The following PCDH7 variants were observed in gnomAD, a reference collection of about 807,000 sequenced individuals.
PCDH7 encodes protocadherin-7.
In PCDH7, 17 loss-of-function variants were observed where a neutral mutation model predicts 58.9. The ratio of observed to expected loss-of-function variants is 0.29; its 90% CI spans 0.20 to 0.43. The LOEUF (loss-of-function observed/expected upper bound fraction) is 0.43. PCDH7 is among the 20% of genes least tolerant of loss of function. The pLI is 1.00. For missense variants in PCDH7, 1,274 were observed against 1,441.0 expected (o/e 0.88, Z 1.88); for synonymous variants, 664 against 616.4 (o/e 1.08, Z -1.14).
At chr4:30,960,375 A>G (rs1036073747) in intron 3 of PCDH7, among the ~76,000 whole-genome samples, 2 of 152,140 alleles carry the variant, frequency 1.3e-5, no homozygotes, top group Non-Finnish European at 2.9e-5. Context: ...GAAACAGTGA[A>G]TCAGACATCC....
chr4:31,089,563 T>C (rs1251061324), intron 3 of PCDH7, among the ~76,000 whole-genome samples: 2 of 152,056 alleles, frequency 1.3e-5, no homozygotes, highest in African/African-American at 4.8e-5. Context: ...AGATATAAAA[T>C]ATCAAAAAGA....
rs1748369122 is a variant in PCDH7, at chr4:30,961,061, C to T, written c.*7+10846C>T. 2.0e-5 allele frequency among the ~76,000 whole-genome samples: 3 copies of T among 152,040 alleles called. No individual in the cohort carries two copies. The South Asian group carries it at 6.2e-4, about 32-fold the overall frequency. ...AATGAAGATATGTGGATTTATAGAT[C>T]TTTAAAAGACTATTTTCTCTCTCAG... On this transcript the variant is annotated intron_variant, in intron 3 of 3. Coordinates refer to the PCDH7 transcript ENST00000509759.
chr4:30,869,890 A>G (rs1461877640), intron 1 of PCDH7, among the ~76,000 whole-genome samples: 1 of 151,880 alleles, frequency 6.6e-6, no homozygotes, highest in Non-Finnish European at 1.5e-5. Context: ...ACTAATTTAC[A>G]CTCCCACCAA....
chr4:30,807,323 G>T (rs781047044), intron 1 of PCDH7, among the ~76,000 whole-genome samples: 2 of 152,084 alleles, frequency 1.3e-5, no homozygotes, highest in African/African-American at 4.8e-5. Flanking sequence ...AAAAGACGTT[G>T]TCTTCCTTAT....
At chr4:30,805,947 T>C (rs762462761) in intron 1 of PCDH7, among the ~76,000 whole-genome samples, 2 of 152,236 alleles carry the variant, frequency 1.3e-5, no homozygotes, top group African/African-American at 2.4e-5. Flanking sequence ...AGAAGTGTTT[T>C]GGATTTCCAA....
chr4:30,953,401 A>G (rs1747550447), intron 3 of PCDH7, among the ~76,000 whole-genome samples: 1 of 152,004 alleles, frequency 6.6e-6, no homozygotes, highest in East Asian at 1.9e-4. Flanking sequence ...TAATTTTTCT[A>G]TATTACTTGA....
At chr4:31,050,074 C>T (rs1308326927) in intron 3 of PCDH7, among the ~76,000 whole-genome samples, 2 of 152,070 alleles carry the variant, frequency 1.3e-5, no homozygotes, top group Non-Finnish European at 2.9e-5. Context: ...GCATATCTCT[C>T]TGGCTGTGAC....
At chr4:31,037,423 G>T (rs1430261512) in intron 3 of PCDH7, among the ~76,000 whole-genome samples, 1 of 152,170 alleles carries the variant, frequency 6.6e-6, no homozygotes, top group Non-Finnish European at 1.5e-5. Context: ...GATATCAGGA[G>T]CTCTCCTGGA....
At chr4:31,010,518 A>G (rs934649992) in intron 3 of PCDH7, among the ~76,000 whole-genome samples, 18 of 151,976 alleles carry the variant, frequency 1.2e-4, no homozygotes, top group African/African-American at 4.1e-4. Flanking sequence ...CTTTAACTTC[A>G]TTTGAATATC....
chr4:30,981,926 G>A (rs1470756197), intron 3 of PCDH7, among the ~76,000 whole-genome samples: 1 of 152,084 alleles, frequency 6.6e-6, no homozygotes, highest in Non-Finnish European at 1.5e-5. Flanking sequence ...ATTGGTACAT[G>A]AACTCCACGT....
intron 3 of PCDH7, among the ~76,000 whole-genome samples, chr4:30,980,150 G>A (rs896681048): frequency 6.6e-6 from 1 of 152,128 alleles, no homozygotes; most frequent in Admixed American, 6.5e-5. Context: ...CTTTAAGATA[G>A]AGTGCCTATA....
intron 3 of PCDH7, among the ~76,000 whole-genome samples, chr4:31,008,717 C>G (rs2109148431): frequency 6.6e-6 from 1 of 152,198 alleles, no homozygotes; most frequent in South Asian, 2.1e-4. Flanking sequence ...CTCCTATACC[C>G]ACAGATTGCC....
chr4:30,804,886 A>G (rs1038663105), intron 1 of PCDH7, among the ~76,000 whole-genome samples: 1 of 152,160 alleles, frequency 6.6e-6, no homozygotes, highest in East Asian at 1.9e-4. Flanking sequence ...AGTGTTGTCT[A>G]TGTAGTCGTT....
At chr4:30,797,359 G>A (rs961350244) in intron 1 of PCDH7, among the ~76,000 whole-genome samples, 25 of 151,306 alleles carry the variant, frequency 1.7e-4, no homozygotes, top group African/African-American at 4.4e-4. Context: ...TGCAAGTTCC[G>A]CCTCCCGGGT....
intron 1 of PCDH7, among the ~76,000 whole-genome samples, chr4:30,837,555 G>GA (rs574126547): frequency 1.7e-4 from 26 of 148,838 alleles, no homozygotes; most frequent in South Asian, 8.6e-4. Context: ...AGAAAATAGA[G>GA]AAAAAAAAAC....
intron 3 of PCDH7, among the ~76,000 whole-genome samples, chr4:31,134,408 C>T (rs1028142790): frequency 2.6e-5 from 4 of 152,046 alleles, no homozygotes; most frequent in African/African-American, 9.7e-5. Flanking sequence ...TGCAGTGAGC[C>T]AAGATTGTGC....
intron 3 of PCDH7, among the ~76,000 whole-genome samples, chr4:31,008,984 A>T (rs564572803): frequency 6.6e-6 from 1 of 152,208 alleles, no homozygotes; most frequent in Non-Finnish European, 1.5e-5. Flanking sequence ...TAATATACAA[A>T]GTCACTTCAT....
intron 3 of PCDH7, among the ~76,000 whole-genome samples, chr4:31,132,270 C>T (rs1349561460): frequency 6.6e-6 from 1 of 151,968 alleles, no homozygotes; most frequent in Non-Finnish European, 1.5e-5. Context: ...TACATTTTTT[C>T]AATTCTCATT....
chr4:30,874,596 C>A lies in PCDH7; in HGVS notation c.71-45557C>A. ...AGGAGATATACCTAATGCTAAATGACGAGTTAATGGCTGCAGCACACCAGC... is the reference window on the plus strand; with the variant it reads ...AGGAGATATACCTAATGCTAAATGAAGAGTTAATGGCTGCAGCACACCAGC... On this transcript the variant is annotated intron_variant, in intron 1 of 3. Coordinates refer to the PCDH7 transcript ENST00000509759. Among the ~76,000 whole-genome samples, 2 of 151,198 alleles carry A rather than the reference C, an allele frequency of 1.3e-5. 1 individual carries two copies. Among genetic ancestry groups the A allele is most frequent in the East Asian group, 3.9e-4 (2 of 5,134 alleles).
Sources: allele counts gnomAD v4.1 joint callset (sites outside exome capture counted in the v4.1 genomes callset), GRCh38; gene constraint gnomAD v4.1.1; transcripts MANE v1.5; gene names NCBI Gene and HGNC (gene_info 2026-07-23, HGNC 2026-07-21).